RHBDD1: variants seen among roughly 807,000 people sequenced by gnomAD.
RHBDD1 encodes rhomboid domain containing 1, also known as rhomboid-related protein 4.
A neutral mutation model predicts 36.3 loss-of-function variants in RHBDD1; 38 were observed. That is an observed-to-expected ratio of 1.05 (90% CI 0.81 to 1.37). The LOEUF (loss-of-function observed/expected upper bound fraction) is 1.37, where lower values mean the gene tolerates loss of function less well. Ranked by LOEUF, RHBDD1 falls within the 40% of genes most tolerant of loss-of-function variation. RHBDD1 has a pLI of 0.00. For missense variants in RHBDD1, 393 were observed against 377.6 expected (o/e 1.04, Z -0.34); for synonymous variants, 151 against 136.5 (o/e 1.11, Z -0.74).
intron 8 of RHBDD1, among the ~76,000 whole-genome samples, chr2:226,943,325 G>A (rs191040719): frequency 3.6e-4 from 55 of 152,284 alleles, no homozygotes; most frequent in Non-Finnish European, 1.2e-4. Flanking sequence ...TATTTGCTTT[G>A]GAAAAATTGC....
At chr2:226,838,659 C>T (rs1485630302) in intron 2 of RHBDD1, among the ~76,000 whole-genome samples, 1 of 152,200 alleles carries the variant, frequency 6.6e-6, no homozygotes, top group African/African-American at 2.4e-5. Context: ...AACTTTATGC[C>T]ATTCATTTTA....
chr2:226,989,816 G>A (rs1471300469), intron 8 of RHBDD1, among the ~76,000 whole-genome samples: 1 of 152,142 alleles, frequency 6.6e-6, no homozygotes, highest in Non-Finnish European at 1.5e-5. Flanking sequence ...CAGGTAAAGT[G>A]GTAAACTAGG....
the RHBDD1 span, among the ~76,000 whole-genome samples, chr2:226,816,389 A>G: frequency 1.4e-3 from 206 of 151,428 alleles, 1 homozygote; most frequent in African/African-American, 3.8e-3. Context: ...AAAAAAAAAA[A>G]AAAAAAAGAA....
At chr2:226,839,003 A>G (rs949810159) in intron 2 of RHBDD1, among the ~76,000 whole-genome samples, 1 of 152,248 alleles carries the variant, frequency 6.6e-6, no homozygotes, top group African/African-American at 2.4e-5. Context: ...GAAGGTATGC[A>G]TCAAAGGATG....
intron 8 of RHBDD1, 130 bp downstream of exon 8, chr2:226,914,481 G>T: frequency 9.7e-7 from 1 of 1,033,784 alleles, no homozygotes; most frequent in Non-Finnish European, 1.4e-6. Flanking sequence ...AAAACTGTGT[G>T]CAGATTGTGA....
At chr2:226,973,169 G>A (rs901085682) in intron 8 of RHBDD1, among the ~76,000 whole-genome samples, 2 of 152,092 alleles carry the variant, frequency 1.3e-5, no homozygotes, top group African/African-American at 2.4e-5. Flanking sequence ...GTGTGTGTAC[G>A]GAACTATATA....
chr2:226,881,947 T>G (rs1945776439), intron 5 of RHBDD1, among the ~76,000 whole-genome samples: 1 of 152,244 alleles, frequency 6.6e-6, no homozygotes, highest in Non-Finnish European at 1.5e-5. Context: ...TGAGTGGTGA[T>G]CACAAATACC....
chr2:226,912,877 G>T (rs1948620151), intron 7 of RHBDD1, among the ~76,000 whole-genome samples: 1 of 152,082 alleles, frequency 6.6e-6, no homozygotes, highest in African/African-American at 2.4e-5. Flanking sequence ...TATCAATAAA[G>T]CTGTTCTAAA....
chr2:226,894,604 A>G (rs1226437755), intron 5 of RHBDD1, among the ~76,000 whole-genome samples: 3 of 152,068 alleles, frequency 2.0e-5, no homozygotes, highest in Admixed American at 2.0e-4. Context: ...ATTACTTTTT[A>G]TTCTTATTTT....
intron 8 of RHBDD1, among the ~76,000 whole-genome samples, chr2:226,934,176 C>A (rs1950201023): frequency 6.6e-6 from 1 of 152,062 alleles, no homozygotes; most frequent in African/African-American, 2.4e-5. Flanking sequence ...TTTTATTATA[C>A]CTTTTCTATG....
intron 8 of RHBDD1, among the ~76,000 whole-genome samples, chr2:226,982,369 G>T (rs1955968352): frequency 6.6e-6 from 1 of 152,212 alleles, no homozygotes; most frequent in Non-Finnish European, 1.5e-5. Context: ...AATATCCTAG[G>T]TCAGGGATTG....
Position 226,915,380 on chromosome 2 carries a change from A to C in RHBDD1, c.856+1029A>C, listed in dbSNP as rs1238483486. Among the ~76,000 whole-genome samples the C allele has an allele frequency of 3.3e-5, 5 of 152,252 alleles. No homozygotes were observed. In the Middle Eastern group the frequency reaches 0.01, roughly 311 times the overall value. On this transcript the variant is annotated intron_variant, in intron 8 of 8. Transcript: ENST00000392062. ...AATGGACAATAAGAGAAGAAAGGGA[A>C]GAAGAGTGGGAAGCTAGGCTGGGTC...
At chr2:226,908,775 TAA>T in intron 6 of RHBDD1, 45 bp from the exon 7 acceptor site, 1 of 1,303,998 alleles carries the variant, frequency 7.7e-7, no homozygotes, top group Non-Finnish European at 1.1e-6. Flanking sequence ...AATTAGCATT[TAA>T]AGCTTTATGG....
chr2:226,887,266 TTATAA>T (rs531775141), intron 5 of RHBDD1, among the ~76,000 whole-genome samples: 215 of 152,358 alleles, frequency 1.4e-3, no homozygotes, highest in African/African-American at 5.0e-3. Context: ...CAGTCAGTAT[TTATAA>T]TATAATTATT....
At chr2:226,830,302 G>A in the RHBDD1 span, among the ~76,000 whole-genome samples, 1 of 152,098 alleles carries the variant, frequency 6.6e-6, no homozygotes, top group African/African-American at 2.4e-5. Flanking sequence ...CAGCAAGAGG[G>A]TGCTGTCTAT....
chr2:226,888,987 A>G (rs1946469173), intron 5 of RHBDD1, among the ~76,000 whole-genome samples: 1 of 152,232 alleles, frequency 6.6e-6, no homozygotes, highest in Non-Finnish European at 1.5e-5. Context: ...GTCTGGGAAC[A>G]TTAAGTTCAA....
chr2:226,864,790 G>GC lies in RHBDD1; in HGVS notation c.98dup (p.Thr34AsnfsTer18). ...CAACAATATTCCACCTGTCACCCTA[G>GC]CAACTTTGGCCCTCAACATCTGGTT... On this transcript the variant is annotated frameshift_variant, in exon 4 of 9. Coordinates refer to ENST00000392062, the MANE Select transcript of RHBDD1 (RefSeq NM_001167608.3). LOFTEE classifies it high-confidence loss of function. 1 of 1,614,118 alleles carries GC rather than the reference G, an allele frequency of 6.2e-7. No individual in the cohort carries two copies. Among genetic ancestry groups the GC allele is most frequent in the Admixed American group, 1.7e-5 (1 of 60,020 alleles).
At chr2:226,852,272 G>T (rs575158675) in intron 3 of RHBDD1, among the ~76,000 whole-genome samples, 23 of 152,222 alleles carry the variant, frequency 1.5e-4, no homozygotes, top group African/African-American at 5.3e-4. Flanking sequence ...TTAAAGTTCC[G>T]TTTTTATAGC....
At chr2:226,940,736 A>G (rs1337431950) in intron 8 of RHBDD1, among the ~76,000 whole-genome samples, 1 of 152,184 alleles carries the variant, frequency 6.6e-6, no homozygotes, top group Non-Finnish European at 1.5e-5. Flanking sequence ...CATATCTGAC[A>G]CGTTGGTTTC....
Sources: allele counts gnomAD v4.1 joint callset (sites outside exome capture counted in the v4.1 genomes callset), GRCh38; gene constraint gnomAD v4.1.1; transcripts MANE v1.5; gene names NCBI Gene and HGNC (gene_info 2026-07-23, HGNC 2026-07-21).